The following VPS36 variants were observed in gnomAD, a reference collection of about 807,000 sequenced individuals.
The protein encoded by VPS36 is vacuolar protein-sorting-associated protein 36.
In VPS36, 31 loss-of-function variants were observed where a neutral mutation model predicts 63.5. The ratio of observed to expected loss-of-function variants is 0.49; its 90% CI spans 0.37 to 0.66. The LOEUF (loss-of-function observed/expected upper bound fraction) is 0.66. VPS36 is among the 30% of genes least tolerant of loss of function. VPS36 has a pLI of 0.00. For missense variants in VPS36, 338 were observed against 463.7 expected (o/e 0.73, Z 2.49); for synonymous variants, 138 against 157.2 (o/e 0.88, Z 0.91).
At chr13:52,420,839 G>A (rs527646487) in intron 10 of VPS36, among the ~76,000 whole-genome samples, 5 of 152,266 alleles carry the variant, frequency 3.3e-5, no homozygotes, top group Admixed American at 1.3e-4. Flanking sequence ...TTTGGGGGCC[G>A]GGCATGGCGG....
Position 52,425,914 on chromosome 13 carries a change from C to T in VPS36, c.774+18G>A, listed in dbSNP as rs372964258. On this transcript the variant is annotated intron_variant, in intron 9 of 13. Transcript: ENST00000378060. ...ATTTAACACAGTTTAAAAAAAAACA[C>T]ATAGGTTTAGTTTTTACCTCTAAAG... 2 of 1,595,654 alleles carry T rather than the reference C, an allele frequency of 1.3e-6. No homozygotes were observed. The highest frequency in any genetic ancestry group is 1.7e-6 in the Non-Finnish European group (2 of 1,173,876).
intron 13 of VPS36, 44 bp from the exon 14 acceptor site, chr13:52,415,967 A>T: frequency 6.2e-7 from 1 of 1,612,758 alleles, no homozygotes; most frequent in East Asian, 2.2e-5. Flanking sequence ...TTATCTGTTC[A>T]TGCAGACACA....
intron 4 of VPS36, 82 bp from the exon 5 acceptor site, chr13:52,434,964 T>C: frequency 1.6e-6 from 2 of 1,229,102 alleles, no homozygotes; most frequent in East Asian, 5.2e-5. Context: ...CATTTCTTTC[T>C]TTTTTTCTTT....
At chr13:52,432,941 G>A (rs1211466276) in intron 6 of VPS36, among the ~76,000 whole-genome samples, 2 of 152,250 alleles carry the variant, frequency 1.3e-5, no homozygotes, top group East Asian at 3.9e-4. Flanking sequence ...TCTCTGAAAA[G>A]CAACCATCAA....
Position 52,413,511 on chromosome 13 carries a change from C to G in VPS36, c.*2319G>C, listed in dbSNP as rs1240482174. 6.6e-6 allele frequency: 1 copy of G among 152,124 alleles called. No homozygotes were observed. Among genetic ancestry groups the G allele is most frequent in the Non-Finnish European group, 1.5e-5 (1 of 68,000 alleles). The allele number at this position is 152,124 out of a possible 1,614,324, so 9.4% of individuals were successfully genotyped here. A position where few individuals can be genotyped will look rare whatever the true frequency, so the allele number is the denominator to read the frequency against. Reference sequence around the variant, plus strand: ...ATTTAAAAAGAATGCCAAGAAAAATCATTTTTAAATTTTGCAATAATTTTA... The same window carrying G: ...ATTTAAAAAGAATGCCAAGAAAAATGATTTTTAAATTTTGCAATAATTTTA... On this transcript the variant is annotated 3_prime_UTR_variant, in exon 14 of 14. Transcript: ENST00000378060.
intron 1 of VPS36, among the ~76,000 whole-genome samples, chr13:52,442,763 G>A (rs1958294362): frequency 1.3e-5 from 2 of 152,222 alleles, no homozygotes. Flanking sequence ...CATTGGATGA[G>A]TGGGAAAGAA....
chr13:52,439,278 T>C (rs1958249691), intron 2 of VPS36, 110 bp from the exon 3 acceptor site: 1 of 810,196 alleles, frequency 1.2e-6, no homozygotes, highest in African/African-American at 1.7e-5. Context: ...ATAATAAAAA[T>C]AATGAAAAAC....
chr13:52,430,934 A>G (rs1958149110), intron 6 of VPS36, among the ~76,000 whole-genome samples: 1 of 152,168 alleles, frequency 6.6e-6, no homozygotes, highest in Non-Finnish European at 1.5e-5. Flanking sequence ...AGGCACTCAA[A>G]GAAAGAAAAT....
chr13:52,426,673 G>A (rs1395955743), intron 8 of VPS36, among the ~76,000 whole-genome samples: 4 of 151,968 alleles, frequency 2.6e-5, no homozygotes, highest in African/African-American at 7.2e-5. Flanking sequence ...GACTAACACG[G>A]TGAAACCCGG....
At chr13:52,439,308 A>ATTTTACTCCTTCATTTAAG (rs1958250112) in intron 2 of VPS36, 140 bp from the exon 3 acceptor site, 6 of 664,060 alleles carry the variant, frequency 9.0e-6, no homozygotes, top group Non-Finnish European at 2.3e-6. Flanking sequence ...TTTACTCCTT[A>ATTTTACTCCTTCATTTAAG]AATGAACTTA....
At chr13:52,434,729 T>G in intron 5 of VPS36, 64 bp downstream of exon 5, 3 of 1,427,142 alleles carry the variant, frequency 2.1e-6, no homozygotes, top group Non-Finnish European at 2.9e-6. Context: ...ACAGAGTCTT[T>G]TTCTTAATGA....
intron 10 of VPS36, among the ~76,000 whole-genome samples, chr13:52,421,142 G>A (rs1235553613): frequency 6.6e-6 from 1 of 151,734 alleles, no homozygotes; most frequent in Non-Finnish European, 1.5e-5. Context: ...AATTTTAAAG[G>A]TTAAAAAAAA....
chr13:52,420,730 G>A (rs924870009), intron 10 of VPS36, among the ~76,000 whole-genome samples: 1 of 152,190 alleles, frequency 6.6e-6, no homozygotes, highest in South Asian at 2.1e-4. Context: ...CAATTTCCCT[G>A]ATTTGGTCAT....
At chr13:52,431,082 G>A (rs1326467987) in intron 6 of VPS36, among the ~76,000 whole-genome samples, 3 of 151,758 alleles carry the variant, frequency 2.0e-5, no homozygotes, top group Non-Finnish European at 4.4e-5. Flanking sequence ...CAACCAAAGC[G>A]ACCACAGAGA....
chr13:52,420,788 C>T (rs549991980), intron 10 of VPS36, among the ~76,000 whole-genome samples: 1 of 152,242 alleles, frequency 6.6e-6, no homozygotes, highest in East Asian at 1.9e-4. Context: ...CCCATAAATA[C>T]GTACAACTAT....
chr13:52,428,835 A>G (rs948195739), intron 6 of VPS36, among the ~76,000 whole-genome samples: 1 of 152,170 alleles, frequency 6.6e-6, no homozygotes, highest in Non-Finnish European at 1.5e-5. Flanking sequence ...TGTAGAAAAA[A>G]TAAGCTGAGA....
In VPS36 at chr13:52,412,862, A is replaced by T. The variant is rs1028696453; in HGVS notation, c.*2968T>A. 3.9e-5 allele frequency: 6 copies of T among 152,496 alleles called. No homozygotes were observed. The highest frequency in any genetic ancestry group is 1.4e-4 in the African/African-American group (6 of 41,470). The allele number at this position is 152,496 out of a possible 1,614,324, so 9.4% of individuals were successfully genotyped here. On this transcript the variant is annotated 3_prime_UTR_variant, in exon 14 of 14. Transcript: ENST00000378060. ...ATTAGCAATAAATTTACATAAATTC[A>T]ACCATACCTACTGGAAAAAGACACA...
At chr13:52,421,965 C>A (rs1641102206) in intron 10 of VPS36, among the ~76,000 whole-genome samples, 1 of 152,120 alleles carries the variant, frequency 6.6e-6, no homozygotes, top group Admixed American at 6.5e-5. Context: ...TTTATCATGT[C>A]TATGTTTTAG....
intron 9 of VPS36, among the ~76,000 whole-genome samples, chr13:52,425,084 T>C (rs1336276339): frequency 1.3e-4 from 19 of 151,308 alleles, no homozygotes; most frequent in Admixed American, 1.3e-3. Flanking sequence ...CCATCTCTAC[T>C]AAAAATACAA....
Sources: allele counts gnomAD v4.1 joint callset (sites outside exome capture counted in the v4.1 genomes callset), GRCh38; gene constraint gnomAD v4.1.1; transcripts MANE v1.5; gene names NCBI Gene and HGNC (gene_info 2026-07-23, HGNC 2026-07-21).